GABRB1: variants seen among roughly 807,000 people sequenced by gnomAD.
The protein encoded by GABRB1 is gamma-aminobutyric acid receptor subunit beta-1.
In GABRB1, 17 loss-of-function variants were observed where a neutral mutation model predicts 51.6. The observed-to-expected ratio is 0.33, with a 90% CI of 0.23 to 0.49. GABRB1 has a LOEUF of 0.49. GABRB1 is among the 20% of genes least tolerant of loss of function. GABRB1 has a pLI of 0.99. For missense variants in GABRB1, 410 were observed against 600.6 expected (o/e 0.68, Z 3.32); for synonymous variants, 247 against 218.9 (o/e 1.13, Z -1.14).
At chr4:47,071,298 C>A (rs1197096939) in intron 3 of GABRB1, among the ~76,000 whole-genome samples, 1 of 152,248 alleles carries the variant, frequency 6.6e-6, no homozygotes, top group Non-Finnish European at 1.5e-5. Flanking sequence ...CACAACAGAG[C>A]AGCCAGAGTG....
intron 3 of GABRB1, among the ~76,000 whole-genome samples, chr4:47,123,759 TA>T (rs1160212406): frequency 1.1e-5 from 1 of 87,198 alleles, no homozygotes; most frequent in Non-Finnish European, 2.0e-5. Context: ...TAATATATTA[TA>T]ATATATTATA....
At chr4:47,025,561 T>C (rs141214937) in intron 1 of GABRB1, among the ~76,000 whole-genome samples, 1 of 151,976 alleles carries the variant, frequency 6.6e-6, no homozygotes, top group East Asian at 1.9e-4. Flanking sequence ...CACTATGTCA[T>C]ATTCTCAGTC....
At chr4:47,420,183 A>G (rs955560763) in intron 8 of GABRB1, among the ~76,000 whole-genome samples, 1 of 152,208 alleles carries the variant, frequency 6.6e-6, no homozygotes, top group Non-Finnish European at 1.5e-5. Context: ...TCCTATCTGC[A>G]CTGCACCCTC....
intron 4 of GABRB1, among the ~76,000 whole-genome samples, chr4:47,279,640 C>G (rs185962636): frequency 6.6e-6 from 1 of 151,850 alleles, no homozygotes; most frequent in Non-Finnish European, 1.5e-5. Context: ...GATGAAGTAA[C>G]CCCTGATTAT....
At chr4:47,201,051 C>T (rs1719878152) in intron 4 of GABRB1, among the ~76,000 whole-genome samples, 2 of 152,058 alleles carry the variant, frequency 1.3e-5, no homozygotes, top group South Asian at 4.1e-4. Flanking sequence ...AATTTGATGA[C>T]TATACATCCA....
At chr4:47,003,556 GT>G (rs1724293470) in intron 1 of GABRB1, among the ~76,000 whole-genome samples, 1 of 152,160 alleles carries the variant, frequency 6.6e-6, no homozygotes, top group African/African-American at 2.4e-5. Context: ...ACAAATTTAG[GT>G]TTTGGAGAAA....
intron 3 of GABRB1, among the ~76,000 whole-genome samples, chr4:47,115,035 G>A (rs758781969): frequency 6.6e-6 from 1 of 152,012 alleles, no homozygotes; most frequent in Non-Finnish European, 1.5e-5. Flanking sequence ...TATAGTTCCC[G>A]TTCTCTGATA....
At chr4:47,014,684 A>G (rs1724692891) in intron 1 of GABRB1, among the ~76,000 whole-genome samples, 1 of 152,198 alleles carries the variant, frequency 6.6e-6, no homozygotes, top group South Asian at 2.1e-4. Flanking sequence ...TTAATGTCCA[A>G]ACTGAAAATA....
chr4:47,372,516 A>G (rs1177789903), intron 5 of GABRB1, among the ~76,000 whole-genome samples: 1 of 152,156 alleles, frequency 6.6e-6, no homozygotes, highest in Non-Finnish European at 1.5e-5. Flanking sequence ...ATTTTCGGTT[A>G]TTTACAAAAA....
At chr4:47,356,498 C>G (rs1328319737) in intron 5 of GABRB1, among the ~76,000 whole-genome samples, 4 of 152,146 alleles carry the variant, frequency 2.6e-5, no homozygotes, top group African/African-American at 7.2e-5. Context: ...TCAATCTTGT[C>G]TGCTGTGCCA....
chr4:47,326,778 A>G lies in GABRB1; in HGVS notation c.544+6569A>G, dbSNP rs562423471. On this transcript the variant is annotated intron_variant, in intron 5 of 8. Coordinates refer to ENST00000295454, the MANE Select transcript of GABRB1 (RefSeq NM_000812.4). ...ATTGATCTTAGACTTCCCAGCCTAT[A>G]TAACTATGAGAAATAAATGGCTGTT... Among the ~76,000 whole-genome samples the G allele has an allele frequency of 3.9e-4, 59 of 152,330 alleles. No homozygotes were observed. In the South Asian group the frequency reaches 0.012, roughly 30 times the overall value.
intron 3 of GABRB1, among the ~76,000 whole-genome samples, chr4:47,071,613 T>C (rs1727338750): frequency 6.6e-6 from 1 of 151,894 alleles, no homozygotes; most frequent in Admixed American, 6.6e-5. Flanking sequence ...ATACCTGAAA[T>C]ACTACATATA....
chr4:47,148,073 T>C lies in GABRB1; in HGVS notation c.241-13176T>C, dbSNP rs138408645. ...TAGAGAAGTCTACTTAGGAGCTTAT[T>C]ATAGTAAATCAGGTGAGAAGTGATA... is the stretch of plus-strand genomic sequence containing the variant. On this transcript the variant is annotated intron_variant, in intron 3 of 8. Coordinates refer to ENST00000295454, the MANE Select transcript of GABRB1 (RefSeq NM_000812.4). Among the ~76,000 whole-genome samples the C allele has an allele frequency of 3.2e-4, 48 of 152,176 alleles. 1 individual carries two copies. The East Asian group carries it at 7.9e-3, about 25-fold the overall frequency.
chr4:47,342,721 C>A (rs887778528), intron 5 of GABRB1, among the ~76,000 whole-genome samples: 1 of 152,106 alleles, frequency 6.6e-6, no homozygotes, highest in Non-Finnish European at 1.5e-5. Context: ...TTCTTTCTTA[C>A]AGAATCCATC....
intron 4 of GABRB1, among the ~76,000 whole-genome samples, chr4:47,240,414 A>G (rs192001167): frequency 1.3e-5 from 2 of 152,354 alleles, no homozygotes; most frequent in African/African-American, 4.8e-5. Flanking sequence ...CTGTGCATGC[A>G]TAATGAATAA....
At chr4:47,418,961 G>T (rs1253897865) in intron 8 of GABRB1, among the ~76,000 whole-genome samples, 2 of 152,162 alleles carry the variant, frequency 1.3e-5, no homozygotes, top group Non-Finnish European at 2.9e-5. Flanking sequence ...TGAATATAAT[G>T]TTAAGAAAAA....
chr4:47,300,264 TA>T (rs886546425), intron 4 of GABRB1, among the ~76,000 whole-genome samples: 66 of 151,928 alleles, frequency 4.3e-4, no homozygotes, highest in Non-Finnish European at 6.8e-4. Flanking sequence ...AAATTAAAAT[TA>T]AAAAAGTGTT....
At chr4:47,281,776 A>G (rs1723302446) in intron 4 of GABRB1, among the ~76,000 whole-genome samples, 3 of 152,206 alleles carry the variant, frequency 2.0e-5, no homozygotes, top group African/African-American at 7.2e-5. Flanking sequence ...AAGTGAAATA[A>G]TCCAAACACA....
chr4:47,383,764 A>AT (rs1432013155), intron 5 of GABRB1, among the ~76,000 whole-genome samples: 1 of 152,164 alleles, frequency 6.6e-6, no homozygotes, highest in Non-Finnish European at 1.5e-5. Flanking sequence ...CAAACAGGTC[A>AT]TTTTTTATAG....
Sources: allele counts gnomAD v4.1 joint callset (sites outside exome capture counted in the v4.1 genomes callset), GRCh38; gene constraint gnomAD v4.1.1; transcripts MANE v1.5; gene names NCBI Gene and HGNC (gene_info 2026-07-23, HGNC 2026-07-21).